SCUBE2: variants seen among roughly 807,000 people sequenced by gnomAD.
The protein encoded by SCUBE2 is signal peptide, CUB and EGF-like domain-containing protein 2.
Under a neutral mutation model 125.9 loss-of-function variants are expected in SCUBE2, and 114 were observed. The observed-to-expected ratio is 0.91, with a 90% CI of 0.78 to 1.06. SCUBE2 has a LOEUF of 1.06. Ranked by LOEUF, SCUBE2 falls within the 50% of genes least tolerant of loss-of-function variation. The pLI, the probability that SCUBE2 is intolerant of heterozygous loss-of-function variation, is 0.00. For synonymous variants in SCUBE2, 459 were observed against 492.9 expected, an observed-to-expected ratio of 0.93 and a Z score of 0.91; for missense variants, 1,255 against 1,301.8, an observed-to-expected ratio of 0.96 and a Z score of 0.55.
intron 16 of SCUBE2, among the ~76,000 whole-genome samples, chr11:9,045,404 T>G (rs780983873): frequency 6.6e-6 from 1 of 152,074 alleles, no homozygotes. Flanking sequence ...ACATAATGGT[T>G]CCATCTCTCC....
chr11:9,030,009 G>GT lies in SCUBE2; in HGVS notation c.2377dup (p.Thr793AsnfsTer15), dbSNP rs1351819045. On this transcript the variant is annotated frameshift_variant, in exon 19 of 23. Coordinates refer to ENST00000649792, the MANE Select transcript of SCUBE2 (RefSeq NM_001367977.2). LOFTEE classifies it high-confidence loss of function. ...CACTGGGCAACGAATACATCGGTGA[G>GT]TGGTGGTGTTGTAGAAATGTCCAGG... 3 of 1,614,104 alleles carry GT rather than the reference G, an allele frequency of 1.9e-6. No homozygotes were observed. The Admixed American group carries it at 5.0e-5, about 27-fold the overall frequency.
chr11:9,076,779 G>C (rs1861243578), intron 3 of SCUBE2, among the ~76,000 whole-genome samples: 1 of 152,194 alleles, frequency 6.6e-6, no homozygotes, highest in African/African-American at 2.4e-5. Flanking sequence ...CTACTGAGCA[G>C]ATGTCTGACT....
chr11:9,053,227 AAAAC>A lies in SCUBE2; in HGVS notation c.1331-16_1331-13del, dbSNP rs1307550567. On this transcript the variant is annotated splice_polypyrimidine_tract_variant and intron_variant, in intron 11 of 22. Coordinates refer to ENST00000649792, the MANE Select transcript of SCUBE2 (RefSeq NM_001367977.2). The stretch of plus-strand genomic sequence containing the variant: ...GAGCCCCTTCACTTCTAGACAGGAC[AAAAC>A]AGACACTTACAGAAAGAGAAGGACA... 4 of 1,600,654 alleles carry A rather than the reference AAAAC, an allele frequency of 2.5e-6. No individual in the cohort carries two copies. The African/African-American group carries it at 5.4e-5, about 21-fold the overall frequency.
intron 15 of SCUBE2, 104 bp from the exon 16 acceptor site, chr11:9,047,666 G>T (rs747788703): frequency 5.0e-6 from 6 of 1,208,854 alleles, no homozygotes; most frequent in Non-Finnish European, 5.9e-6. Flanking sequence ...GCTCCCTGTG[G>T]ACCGAATGGG....
chr11:9,069,280 C>A, intron 5 of SCUBE2, 90 bp downstream of exon 5: 1 of 1,546,526 alleles, frequency 6.5e-7, no homozygotes, highest in Non-Finnish European at 8.8e-7. Flanking sequence ...TGCAGCCGTG[C>A]CATGAGGTGG....
At chr11:9,043,128 A>G (rs1269675689) in intron 16 of SCUBE2, among the ~76,000 whole-genome samples, 1 of 152,192 alleles carries the variant, frequency 6.6e-6, no homozygotes, top group Admixed American at 6.5e-5. Context: ...TTACAAAAGG[A>G]ATTAAATGTT....
intron 4 of SCUBE2, among the ~76,000 whole-genome samples, chr11:9,073,520 GA>G (rs932927562): frequency 2.0e-5 from 3 of 152,130 alleles, no homozygotes; most frequent in African/African-American, 7.2e-5. Context: ...AGAAACCCTT[GA>G]AAAGTTACCA....
At chr11:9,058,490 G>A (rs1261467209) in intron 9 of SCUBE2, among the ~76,000 whole-genome samples, 1 of 150,400 alleles carries the variant, frequency 6.6e-6, no homozygotes, top group African/African-American at 2.4e-5. Context: ...CAGATACTCA[G>A]GAGGTTGAGG....
chr11:9,060,691 C>G (rs548506391), intron 7 of SCUBE2, among the ~76,000 whole-genome samples, 167 bp from the exon 8 acceptor site: 2 of 152,150 alleles, frequency 1.3e-5, no homozygotes, highest in Non-Finnish European at 2.9e-5. Flanking sequence ...CTCCCACCCC[C>G]CTAAATGAGT....
chr11:9,056,478 C>T (rs773374023), intron 9 of SCUBE2, among the ~76,000 whole-genome samples: 29 of 152,202 alleles, frequency 1.9e-4, no homozygotes, highest in Non-Finnish European at 3.2e-4. Context: ...CTAATATCCT[C>T]ACTAATTTTC....
At chr11:9,046,287 T>C (rs1318530858) in intron 16 of SCUBE2, among the ~76,000 whole-genome samples, 4 of 152,026 alleles carry the variant, frequency 2.6e-5, no homozygotes, top group East Asian at 1.9e-4. Flanking sequence ...GGATTATAGG[T>C]GTGAGCCATC....
intron 2 of SCUBE2, among the ~76,000 whole-genome samples, chr11:9,079,738 A>G (rs1861483283): frequency 6.6e-6 from 1 of 152,178 alleles, no homozygotes; most frequent in Non-Finnish European, 1.5e-5. Context: ...AAATTATGGT[A>G]CCTCTACTCC....
chr11:9,054,701 GTATATATATATA>G lies in SCUBE2; in HGVS notation c.1208-954_1208-943del, dbSNP rs1210852364. On this transcript the variant is annotated intron_variant, in intron 10 of 22. Transcript: ENST00000649792. The stretch of plus-strand genomic sequence containing the variant: ...TAACTGTCAGTAGCAAAGCACTAGT[GTATATATATATA>G]TATATATATATATTTTTTTTTTTTT... Among the ~76,000 whole-genome samples, 4 of 51,080 alleles carry G rather than the reference GTATATATATATA, an allele frequency of 7.8e-5. 1 individual carries two copies. In the East Asian group the frequency reaches 2.2e-3, roughly 28 times the overall value. The allele number at this position is 51,080 out of a possible 152,430, so 33.5% of individuals were successfully genotyped here.
intron 12 of SCUBE2, 27 bp downstream of exon 12, chr11:9,053,072 C>T: frequency 1.9e-6 from 3 of 1,593,282 alleles, no homozygotes; most frequent in Non-Finnish European, 2.6e-6. Flanking sequence ...GTGTGAGGAC[C>T]TGCCCCGGGA....
chr11:9,035,697 T>C (rs1248241989), intron 16 of SCUBE2, among the ~76,000 whole-genome samples: 1 of 152,166 alleles, frequency 6.6e-6, no homozygotes, highest in African/African-American at 2.4e-5. Flanking sequence ...CTTTTCATTA[T>C]TCATTCCAAA....
chr11:9,025,009 C>CT (rs1487408658), intron 21 of SCUBE2, among the ~76,000 whole-genome samples: 8 of 152,208 alleles, frequency 5.3e-5, no homozygotes, highest in African/African-American at 1.9e-4. Flanking sequence ...CAAATGACTC[C>CT]TCTCCTACAG....
At chr11:9,066,662 G>A (rs967285991) in intron 6 of SCUBE2, 35 bp downstream of exon 6, 13 of 1,538,066 alleles carry the variant, frequency 8.5e-6, no homozygotes, top group Middle Eastern at 3.4e-4. Flanking sequence ...GCAGGCTGGT[G>A]CAGACCCTCA....
chr11:9,053,853 A>G (rs1858697875), intron 10 of SCUBE2, 94 bp from the exon 11 acceptor site: 2 of 1,474,040 alleles, frequency 1.4e-6, no homozygotes, highest in Non-Finnish European at 1.8e-6. Context: ...GGGAGTCACA[A>G]GGTTGAAACT....
intron 14 of SCUBE2, chr11:9,049,913 CA>C (rs1309996900): frequency 1.3e-5 from 2 of 152,192 alleles, no homozygotes; most frequent in Admixed American, 6.5e-5. Flanking sequence ...AATAGGCAGT[CA>C]AAAGTGACTA....
Sources: gnomAD v4.1 joint callset for allele counts (sites outside exome capture counted in the v4.1 genomes callset) on GRCh38, gnomAD v4.1.1 for gene constraint, MANE v1.5 for transcripts, NCBI Gene and HGNC (gene_info 2026-07-23, HGNC 2026-07-21) for gene names.